KDM2A: variants seen among roughly 807,000 people sequenced by gnomAD.
The protein encoded by KDM2A is lysine-specific demethylase 2A.
KDM2A carries 3 observed loss-of-function variants against 137.3 expected under a neutral mutation model. That is an observed-to-expected ratio of 0.02 (90% CI 0.01 to 0.06). The LOEUF is 0.06. KDM2A is among the 10% of genes least tolerant of loss of function. The pLI, the probability that KDM2A is intolerant of heterozygous loss-of-function variation, is 1.00. For missense variants in KDM2A, 738 were observed against 1,510.6 expected, an observed-to-expected ratio of 0.49 and a Z score of 8.48; for synonymous variants, 512 against 541.5, an observed-to-expected ratio of 0.95 and a Z score of 0.76.
At chr11:67,146,216 A>G (rs1036799929) in intron 2 of KDM2A, among the ~76,000 whole-genome samples, 3 of 151,782 alleles carry the variant, frequency 2.0e-5, no homozygotes, top group African/African-American at 7.3e-5. Flanking sequence ...GATGGTCTCA[A>G]TCTCCTGACC....
chr11:67,234,579 C>G (rs1304026711), intron 12 of KDM2A, among the ~76,000 whole-genome samples: 12 of 152,202 alleles, frequency 7.9e-5, no homozygotes, highest in Non-Finnish European at 1.8e-4. Flanking sequence ...TTAAAAAGTA[C>G]TGACTTGGGC....
intron 2 of KDM2A, among the ~76,000 whole-genome samples, chr11:67,140,177 G>A (rs865828446): frequency 6.6e-6 from 1 of 151,938 alleles, no homozygotes; most frequent in East Asian, 1.9e-4. Context: ...ACTAACCTGG[G>A]CAACATGGCG....
At chr11:67,241,172 C>T (rs1283394285) in intron 12 of KDM2A, among the ~76,000 whole-genome samples, 1 of 152,072 alleles carries the variant, frequency 6.6e-6, no homozygotes, top group Admixed American at 6.5e-5. Flanking sequence ...GGGAGGGGAG[C>T]CATGCACTCC....
intron 2 of KDM2A, among the ~76,000 whole-genome samples, chr11:67,155,436 G>A (rs992482497): frequency 2.0e-5 from 3 of 151,650 alleles, no homozygotes; most frequent in Non-Finnish European, 2.9e-5. Flanking sequence ...AGCCTCCTGC[G>A]TATCTGGGGC....
At chr11:67,127,309 C>G (rs1406938869) in intron 2 of KDM2A, among the ~76,000 whole-genome samples, 2 of 151,882 alleles carry the variant, frequency 1.3e-5, no homozygotes, top group African/African-American at 4.8e-5. Flanking sequence ...TCGGGCTGCT[C>G]AGGCTGGTCT....
chr11:67,123,767 C>G (rs1855653222), intron 2 of KDM2A, among the ~76,000 whole-genome samples: 1 of 152,046 alleles, frequency 6.6e-6, no homozygotes, highest in Non-Finnish European at 1.5e-5. Context: ...ACCTCTTCCT[C>G]CTGGGTTCAA....
chr11:67,126,694 C>G (rs1412901139), intron 2 of KDM2A, among the ~76,000 whole-genome samples: 1 of 140,356 alleles, frequency 7.1e-6, no homozygotes, highest in South Asian at 2.2e-4. Context: ...GGCGACAGAG[C>G]GAGACTCCAT....
At chr11:67,237,823 T>TGTAG (rs1185488574) in intron 12 of KDM2A, among the ~76,000 whole-genome samples, 1 of 151,962 alleles carries the variant, frequency 6.6e-6, no homozygotes, top group African/African-American at 2.4e-5. Flanking sequence ...ATTGTGCACC[T>TGTAG]GTAGTCCCAG....
At position 67,217,775 on chromosome 11, in the gene KDM2A, C is replaced by T. The variant is rs752523087; in HGVS notation, c.732C>T (p.Tyr244=). 1.5e-5 allele frequency: 24 copies of T among 1,613,484 alleles called. No individual in the cohort carries two copies. The highest frequency in any genetic ancestry group is 1.6e-4 in the Middle Eastern group (1 of 6,084). The change falls in exon 9 of 21, where the codon TAC becomes TAT. Residue 244 remains tyrosine, a synonymous_variant. Coordinates refer to ENST00000529006, the MANE Select transcript of KDM2A (RefSeq NM_012308.3). Reference sequence around the variant, plus strand: ...CTACAGCCCACAACCTGGAGCTGTACGAGAATTGGCTGCTGTCAGGGAAAC... The same window carrying T: ...CTACAGCCCACAACCTGGAGCTGTATGAGAATTGGCTGCTGTCAGGGAAAC... ...IPPTAHNLEL[Y]ENWLLSGKQG... is the part of the protein sequence containing the mutation.
In KDM2A at chr11:67,216,656, C is replaced by T. The variant is rs191587921; in HGVS notation, c.687+707C>T. On this transcript the variant is annotated intron_variant, in intron 8 of 20. Transcript: ENST00000529006. ...GAGGTCTTGGCCAGGCATGGTGGCT[C>T]ACGCCTGTAATCCCAGCACTTTGGG... 3.0e-3 allele frequency among the ~76,000 whole-genome samples: 450 copies of T among 152,356 alleles called. 4 individuals are homozygous for T. The highest frequency in any genetic ancestry group is 6.8e-3 in the Middle Eastern group (2 of 294).
At chr11:67,219,539 C>A in intron 10 of KDM2A, 136 bp downstream of exon 10, 1 of 432,340 alleles carries the variant, frequency 2.3e-6, no homozygotes, top group Non-Finnish European at 4.0e-6. Flanking sequence ...ATTTTGGGAA[C>A]ACACAAAATT....
At chr11:67,129,204 G>A (rs907697343) in intron 2 of KDM2A, among the ~76,000 whole-genome samples, 15 of 152,232 alleles carry the variant, frequency 9.9e-5, no homozygotes, top group African/African-American at 3.1e-4. Context: ...AAATAAAAAC[G>A]TATGTGTAGC....
chr11:67,250,054 A>G lies in KDM2A; in HGVS notation c.2056-32A>G. On this transcript the variant is annotated intron_variant, in intron 16 of 20. Transcript: ENST00000529006. The surrounding 1 kb of genome is among the most constrained non-coding windows in gnomAD (Gnocchi z 7.1). ...TCAGAGGGTTTGGAAGAAAGGAAGC[A>G]CTGATGTTGCTTTTCTGGGCCTGTT... is the stretch of plus-strand genomic sequence containing the variant. 1 of 1,529,840 alleles carries G rather than the reference A, an allele frequency of 6.5e-7. No individual in the cohort carries two copies. Among genetic ancestry groups the G allele is most frequent in the Non-Finnish European group, 8.8e-7 (1 of 1,130,468 alleles). 94.8% of individuals were successfully genotyped at this position (1,529,840 alleles called of 1,614,324 possible).
chr11:67,250,822 G>C lies in KDM2A; in HGVS notation c.2768+24G>C, dbSNP rs1859398712. ...TGGTGAGCAGGGATTCAGGGGGTCAGGAATTAGGGGTATGGGAGTAGGTGG... is the reference window on the plus strand; with the variant it reads ...TGGTGAGCAGGGATTCAGGGGGTCACGAATTAGGGGTATGGGAGTAGGTGG... On this transcript the variant is annotated intron_variant, in intron 17 of 20. Coordinates refer to ENST00000529006, the MANE Select transcript of KDM2A (RefSeq NM_012308.3). The surrounding 1 kb of genome is among the most constrained non-coding windows in gnomAD (Gnocchi z 7.1). 1.3e-6 allele frequency: 2 copies of C among 1,497,692 alleles called. No homozygotes were observed. Among genetic ancestry groups the C allele is most frequent in the Admixed American group, 2.2e-5 (1 of 44,670 alleles). The allele number at this position is 1,497,692 out of a possible 1,614,324, so 92.8% of individuals were successfully genotyped here.
chr11:67,189,770 G>A (rs955105773), intron 5 of KDM2A, among the ~76,000 whole-genome samples: 1 of 152,162 alleles, frequency 6.6e-6, no homozygotes, highest in Admixed American at 6.5e-5. Context: ...AACCTGGGAA[G>A]CGGAGGTTGC....
At chr11:67,132,145 T>C (rs184144310) in intron 2 of KDM2A, 2 of 152,318 alleles carry the variant, frequency 1.3e-5, no homozygotes, top group East Asian at 3.9e-4. Context: ...ATACTACTAC[T>C]ATAAGGCCTA....
chr11:67,246,605 C>G (rs902818226), intron 15 of KDM2A, among the ~76,000 whole-genome samples: 1 of 151,846 alleles, frequency 6.6e-6, no homozygotes. Flanking sequence ...GTAATAAATT[C>G]AGATCTCAGC....
chr11:67,164,393 A>T (rs141201351), intron 2 of KDM2A, among the ~76,000 whole-genome samples: 4 of 152,278 alleles, frequency 2.6e-5, no homozygotes, highest in African/African-American at 9.6e-5. Context: ...TTTAACAGAG[A>T]TGTGATTATT....
At chr11:67,121,114 T>C (rs61663253) in intron 1 of KDM2A, 120 bp from the exon 2 acceptor site, 10,951 of 574,844 alleles carry the variant, frequency 0.019, 159 homozygotes, top group East Asian at 0.058. Context: ...CCCAAACTCA[T>C]GAAGAGGAAC....
Sources: gnomAD v4.1 joint callset for allele counts (sites outside exome capture counted in the v4.1 genomes callset) on GRCh38, gnomAD v4.1.1 for gene constraint, Gnocchi (gnomAD v3.1) non-coding constraint, MANE v1.5 for transcripts, NCBI Gene and HGNC (gene_info 2026-07-23, HGNC 2026-07-21) for gene names.